The following PDE1C variants were observed in gnomAD, a reference collection of about 807,000 sequenced individuals.
PDE1C encodes dual specificity calcium/calmodulin-dependent 3',5'-cyclic nucleotide phosphodiesterase 1C.
A neutral mutation model predicts 93.1 loss-of-function variants in PDE1C; 62 were observed. That is an observed-to-expected ratio of 0.67 (90% CI 0.54 to 0.82). The LOEUF is 0.82. Ranked by LOEUF, PDE1C falls within the 40% of genes least tolerant of loss-of-function variation. The pLI, the probability that PDE1C is intolerant of heterozygous loss-of-function variation, is 0.00. For missense variants in PDE1C, 742 were observed against 884.6 expected (o/e 0.84, Z 2.04); for synonymous variants, 325 against 310.1 (o/e 1.05, Z -0.50).
At chr7:31,863,043 G>T (rs1355561817) in intron 7 of PDE1C, among the ~76,000 whole-genome samples, 1 of 151,994 alleles carries the variant, frequency 6.6e-6, no homozygotes, top group Non-Finnish European at 1.5e-5. Flanking sequence ...GAATAGTATT[G>T]CTTTGAATTT....
At chr7:32,147,984 T>TAAAAAAAAAAAAAAAAAAAAAAAAACA (rs752433564) in intron 3 of PDE1C, among the ~76,000 whole-genome samples, 1 of 79,730 alleles carries the variant, frequency 1.3e-5, no homozygotes, top group African/African-American at 5.6e-5. Flanking sequence ...CCATTTATGC[T>TAAAAAAAAAAAAAAAAAAAAAAAAACA]AAAAAAAAAA....
chr7:32,355,562 C>T (rs1039088301), intron 1 of PDE1C, among the ~76,000 whole-genome samples: 1 of 152,184 alleles, frequency 6.6e-6, no homozygotes, highest in African/African-American at 2.4e-5. Context: ...ATCAATTCCT[C>T]CCCATGTGTC....
chr7:32,415,269 A>G (rs1221449205), intron 1 of PDE1C, among the ~76,000 whole-genome samples: 1 of 152,136 alleles, frequency 6.6e-6, no homozygotes, highest in Non-Finnish European at 1.5e-5. Flanking sequence ...TGGACAACGT[A>G]GCGAAACCCA....
chr7:31,769,675 A>G (rs748334176), intron 17 of PDE1C, among the ~76,000 whole-genome samples: 3 of 152,144 alleles, frequency 2.0e-5, no homozygotes, highest in Non-Finnish European at 4.4e-5. Flanking sequence ...TATATTCATA[A>G]TGTTTCACAA....
intron 6 of PDE1C, among the ~76,000 whole-genome samples, chr7:31,867,269 C>T (rs752599851): frequency 6.6e-6 from 1 of 152,058 alleles, no homozygotes; most frequent in African/African-American, 2.4e-5. Flanking sequence ...CAGCCATGAC[C>T]AAAGCACAAG....
chr7:32,028,528 C>T (rs1789797027), intron 2 of PDE1C, among the ~76,000 whole-genome samples: 1 of 151,928 alleles, frequency 6.6e-6, no homozygotes, highest in African/African-American at 2.4e-5. Flanking sequence ...AATTTATTTC[C>T]AGTATATATC....
chr7:32,153,095 T>C (rs892160400), intron 3 of PDE1C, among the ~76,000 whole-genome samples: 2 of 152,184 alleles, frequency 1.3e-5, no homozygotes, highest in Non-Finnish European at 2.9e-5. Context: ...CGGCAGCCAC[T>C]GAAATAGTAG....
the PDE1C span, chr7:31,655,789 C>CTT: frequency 6.1e-6 from 6 of 985,500 alleles, no homozygotes; most frequent in South Asian, 2.8e-4. Context: ...CCAGGTTGGG[C>CTT]TTTTGACCTC....
At chr7:31,805,479 C>A (rs1786709897) in intron 16 of PDE1C, among the ~76,000 whole-genome samples, 1 of 151,764 alleles carries the variant, frequency 6.6e-6, no homozygotes, top group African/African-American at 2.4e-5. Flanking sequence ...CTCTTCTCTC[C>A]AGTATTTTAT....
chr7:31,861,231 C>T (rs997482320), intron 7 of PDE1C, among the ~76,000 whole-genome samples: 5 of 152,156 alleles, frequency 3.3e-5, no homozygotes, highest in African/African-American at 9.7e-5. Context: ...TTGGTTTATA[C>T]CCCATGTCAC....
intron 3 of PDE1C, among the ~76,000 whole-genome samples, chr7:32,111,554 C>T (rs32290): frequency 0.69 from 104,846 of 151,960 alleles, 36,882 homozygotes; most frequent in Middle Eastern, 0.81. Context: ...ATTTGGATTC[C>T]TCTGGAGCCA....
At chr7:32,127,995 C>A (rs1171221036) in intron 3 of PDE1C, among the ~76,000 whole-genome samples, 4 of 151,824 alleles carry the variant, frequency 2.6e-5, no homozygotes, top group African/African-American at 9.7e-5. Context: ...ATAGTAAATA[C>A]AATAATGTTA....
chr7:32,253,991 C>A lies in PDE1C; in HGVS notation c.86-44452G>T, dbSNP rs79046059. ...ACGCATTTGGAAAACGTAGGCAGCT[C>A]ACTACTGAGAAAATGCATGGGAATG... On this transcript the variant is annotated intron_variant, in intron 1 of 18. Coordinates refer to the PDE1C transcript ENST00000396193. Among the ~76,000 whole-genome samples, 44 of 152,144 alleles carry A rather than the reference C, an allele frequency of 2.9e-4. No individual in the cohort carries two copies. The South Asian group carries it at 3.9e-3, about 14-fold the overall frequency.
At chr7:31,626,006 A>T in the PDE1C span, among the ~76,000 whole-genome samples, 1 of 152,198 alleles carries the variant, frequency 6.6e-6, no homozygotes, top group Non-Finnish European at 1.5e-5. Flanking sequence ...TTTTAAAAAA[A>T]CTTTATGACT....
chr7:31,710,032 T>C, the PDE1C span, among the ~76,000 whole-genome samples: 3 of 152,008 alleles, frequency 2.0e-5, no homozygotes, highest in African/African-American at 7.2e-5. Flanking sequence ...CACTGTGGTA[T>C]CGGCTACTCA....
chr7:31,825,308 G>C (rs1274630005), intron 12 of PDE1C, among the ~76,000 whole-genome samples: 2 of 152,152 alleles, frequency 1.3e-5, no homozygotes, highest in Non-Finnish European at 2.9e-5. Context: ...TGTGACATTT[G>C]AGCTGAACCC....
chr7:32,420,092 CATATATATATATATATAT>C (rs371570161), intron 1 of PDE1C, among the ~76,000 whole-genome samples: 4 of 16,364 alleles, frequency 2.4e-4, no homozygotes, highest in Non-Finnish European at 4.3e-4. Context: ...GGTGTGGTGG[CATATATATATATATATAT>C]ATATATATAT....
intron 1 of PDE1C, among the ~76,000 whole-genome samples, chr7:32,220,381 G>A (rs946915057): frequency 3.9e-5 from 6 of 152,072 alleles, no homozygotes; most frequent in African/African-American, 1.4e-4. Context: ...TTTTTCAGAT[G>A]AGGAAGGTGA....
At chr7:32,321,266 G>A (rs1021428877) in intron 1 of PDE1C, among the ~76,000 whole-genome samples, 1 of 152,124 alleles carries the variant, frequency 6.6e-6, no homozygotes, top group Non-Finnish European at 1.5e-5. Flanking sequence ...TTGTTAGCCC[G>A]GCTTTGATTT....
Sources: allele counts gnomAD v4.1 joint callset (sites outside exome capture counted in the v4.1 genomes callset), GRCh38; gene constraint gnomAD v4.1.1; transcripts MANE v1.5; gene names NCBI Gene and HGNC (gene_info 2026-07-23, HGNC 2026-07-21).